The following NAV3 variants were observed in gnomAD, a reference collection of about 807,000 sequenced individuals.
The protein encoded by NAV3 is pore membrane and/or filament interacting like protein 1.
A neutral mutation model predicts 244.7 loss-of-function variants in NAV3; 87 were observed. That is an observed-to-expected ratio of 0.36 (90% confidence interval 0.30 to 0.42). The LOEUF (loss-of-function observed/expected upper bound fraction) is 0.42. NAV3 is among the 20% of genes least tolerant of loss of function. The probability of loss-of-function intolerance (pLI) is 1.00; values close to 1 mark genes in which losing one functional copy is unlikely to be tolerated. For synonymous variants in NAV3, 1,126 were observed against 1,042.2 expected, an observed-to-expected ratio of 1.08 and a Z score of -1.55; for missense variants, 2,663 against 2,893.3, an observed-to-expected ratio of 0.92 and a Z score of 1.83.
At chr12:77,980,365 T>G (rs1032621440) in intron 5 of NAV3, among the ~76,000 whole-genome samples, 1 of 152,294 alleles carries the variant, frequency 6.6e-6, no homozygotes. Flanking sequence ...TATAAGGACT[T>G]GATAGACTAG....
chr12:77,728,596 G>C lies in NAV3; in HGVS notation c.72+156330G>C, dbSNP rs979333098. Among the ~76,000 whole-genome samples, 4 of 152,062 alleles carry C rather than the reference G, an allele frequency of 2.6e-5. No homozygotes were observed. The East Asian group carries it at 5.8e-4, about 22-fold the overall frequency. On this transcript the variant is annotated intron_variant, in intron 2 of 8. Coordinates refer to the NAV3 transcript ENST00000550042. ...ATTGAATTTTGTTATTGGATGGAAAGGGTAAGAGTGAGGGAGGAAATGCAC... is the reference window on the plus strand; with the variant it reads ...ATTGAATTTTGTTATTGGATGGAAACGGTAAGAGTGAGGGAGGAAATGCAC...
intron 13 of NAV3, among the ~76,000 whole-genome samples, chr12:78,117,113 G>A (rs1955421865): frequency 1.5e-5 from 2 of 134,440 alleles, no homozygotes; most frequent in Admixed American, 1.7e-4. Flanking sequence ...CCCTTAGGAG[G>A]AGCAACAATG....
At chr12:77,901,035 G>A (rs2619068) in intron 1 of NAV3, among the ~76,000 whole-genome samples, 16,805 of 152,138 alleles carry the variant, frequency 0.11, 1,067 homozygotes, top group South Asian at 0.2. Flanking sequence ...TCCATTTTGC[G>A]AAGTATCTGT....
chr12:77,730,709 C>T (rs541645203), intron 2 of NAV3, among the ~76,000 whole-genome samples: 176 of 149,840 alleles, frequency 1.2e-3, no homozygotes, highest in Non-Finnish European at 2.0e-3. Context: ...ACAAGACTCT[C>T]TGAATTACTA....
chr12:77,725,541 A>G (rs1020383216), intron 2 of NAV3, among the ~76,000 whole-genome samples: 1 of 151,798 alleles, frequency 6.6e-6, no homozygotes, highest in Non-Finnish European at 1.5e-5. Flanking sequence ...TCTTAAGCCC[A>G]ATGCTGCAAA....
At chr12:78,041,366 C>T (rs375679839) in intron 9 of NAV3, among the ~76,000 whole-genome samples, 8 of 152,208 alleles carry the variant, frequency 5.3e-5, no homozygotes, top group African/African-American at 9.6e-5. Flanking sequence ...GTGGCTGTTT[C>T]GTCAACCACC....
intron 2 of NAV3, among the ~76,000 whole-genome samples, chr12:77,817,446 T>G (rs997664421): frequency 2.6e-5 from 4 of 151,140 alleles, no homozygotes; most frequent in African/African-American, 7.3e-5. Flanking sequence ...ATATAAGAAG[T>G]TTTTTTTTAA....
At chr12:77,856,256 GTAT>G (rs1878380550) in intron 1 of NAV3, among the ~76,000 whole-genome samples, 1 of 152,114 alleles carries the variant, frequency 6.6e-6, no homozygotes, top group African/African-American at 2.4e-5. Context: ...ATGAAGTAGA[GTAT>G]TATTATTATT....
In NAV3 at chr12:78,190,357, G is replaced by A; in HGVS notation, c.6291+138G>A. ...CTTTTTTTTACTAGAATTGTAACCT[G>A]GTGAGTGATCAAACTCTGTTTCATG... On this transcript the variant is annotated intron_variant, in intron 34 of 39. Transcript: ENST00000397909. The A allele has an allele frequency of 4.3e-6, 3 of 692,628 alleles. No homozygotes were observed. The East Asian group carries it at 8.1e-5, about 19-fold the overall frequency. The allele number at this position is 692,628 out of a possible 1,614,324, so 42.9% of individuals were successfully genotyped here.
At chr12:77,777,625 A>G (rs1248184729) in intron 2 of NAV3, among the ~76,000 whole-genome samples, 1 of 152,152 alleles carries the variant, frequency 6.6e-6, no homozygotes, top group Non-Finnish European at 1.5e-5. Context: ...ACCATGGATA[A>G]CTGTCCCACA....
Position 78,179,721 on chromosome 12 carries a change from AC to A in NAV3, c.5517+40del, listed in dbSNP as rs750302434. Reference sequence around the variant, plus strand: ...CACTTTCAAGGAATAAAATGGAGAAACAAAAAAATGCTGCTTATTCTGTTCT... The same window carrying A: ...CACTTTCAAGGAATAAAATGGAGAAAAAAAAAATGCTGCTTATTCTGTTCT... On this transcript the variant is annotated intron_variant, in intron 29 of 39. Coordinates refer to ENST00000397909, the MANE Select transcript of NAV3 (RefSeq NM_001024383.2). 32 of 1,574,900 alleles carry A rather than the reference AC, an allele frequency of 2.0e-5. No individual in the cohort carries two copies. In the African/African-American group the frequency reaches 3.8e-4, roughly 19 times the overall value.
chr12:77,840,313 A>G (rs6538405), intron 1 of NAV3, among the ~76,000 whole-genome samples: 106,309 of 152,038 alleles, frequency 0.7, 42,225 homozygotes, highest in Non-Finnish European at 0.88. Flanking sequence ...TACTCTGTAC[A>G]GAATGGAAGA....
At chr12:77,702,376 T>C (rs576862464) in intron 2 of NAV3, among the ~76,000 whole-genome samples, 1 of 152,138 alleles carries the variant, frequency 6.6e-6, no homozygotes, top group Admixed American at 6.5e-5. Flanking sequence ...GAGGATATAG[T>C]TGGGTGTTGT....
chr12:77,660,007 C>T (rs1873355541), intron 2 of NAV3, among the ~76,000 whole-genome samples: 2 of 151,656 alleles, frequency 1.3e-5, no homozygotes, highest in African/African-American at 2.4e-5. Context: ...ATACCTAATG[C>T]TAGATGACGA....
chr12:77,986,226 G>A (rs558397023), intron 5 of NAV3, among the ~76,000 whole-genome samples: 1 of 152,092 alleles, frequency 6.6e-6, no homozygotes, highest in African/African-American at 2.4e-5. Context: ...GCCAGGTGTG[G>A]TGGCACGCAC....
At chr12:77,677,086 T>C (rs1874240488) in intron 2 of NAV3, among the ~76,000 whole-genome samples, 1 of 152,214 alleles carries the variant, frequency 6.6e-6, no homozygotes, top group Non-Finnish European at 1.5e-5. Context: ...TCATGATCCA[T>C]TTATCTCTTC....
intron 2 of NAV3, among the ~76,000 whole-genome samples, chr12:77,824,440 G>A (rs750385064): frequency 6.6e-6 from 1 of 151,832 alleles, no homozygotes; most frequent in Non-Finnish European, 1.5e-5. Flanking sequence ...ATTAGTAACC[G>A]TGGCATGAAA....
chr12:77,906,560 G>A (rs144551379), intron 1 of NAV3, among the ~76,000 whole-genome samples: 1 of 152,100 alleles, frequency 6.6e-6, no homozygotes, highest in African/African-American at 2.4e-5. Context: ...TAGGTTGAGG[G>A]ATTAGGAAAT....
chr12:77,680,833 T>G (rs1398751799), intron 2 of NAV3, among the ~76,000 whole-genome samples: 1 of 152,016 alleles, frequency 6.6e-6, no homozygotes, highest in Non-Finnish European at 1.5e-5. Flanking sequence ...GAAAGTGGAG[T>G]AGAAGCTGAA....
Sources: gnomAD v4.1 joint callset for allele counts (sites outside exome capture counted in the v4.1 genomes callset) on GRCh38, gnomAD v4.1.1 for gene constraint, MANE v1.5 for transcripts, NCBI Gene and HGNC (gene_info 2026-07-23, HGNC 2026-07-21) for gene names.